The following CPLANE1 variants were observed in gnomAD, a reference collection of about 807,000 sequenced individuals.
CPLANE1 encodes the protein ciliogenesis and planar polarity effector complex subunit 1.
A neutral mutation model predicts 362.5 loss-of-function variants in CPLANE1; 263 were observed. The ratio of observed to expected loss-of-function variants is 0.73; its 90% CI spans 0.66 to 0.80. CPLANE1 has a LOEUF of 0.80. Among genes scored for constraint, CPLANE1 ranks in the 30% least tolerant of loss-of-function variants. CPLANE1 has a pLI of 0.00. For synonymous variants in CPLANE1, 1,212 were observed against 1,302.6 expected (o/e 0.93, Z 1.50); for missense variants, 3,461 against 3,793.4 (o/e 0.91, Z 2.30).
At chr5:37,128,617 G>T (rs1208973319) in intron 46 of CPLANE1, among the ~76,000 whole-genome samples, 1 of 152,122 alleles carries the variant, frequency 6.6e-6, no homozygotes, top group African/African-American at 2.4e-5. Context: ...AGCACTTTGG[G>T]AGGGGCCGAG....
At chr5:37,166,053 A>G (rs933386431) in intron 35 of CPLANE1, among the ~76,000 whole-genome samples, 2 of 152,226 alleles carry the variant, frequency 1.3e-5, no homozygotes, top group African/African-American at 4.8e-5. Flanking sequence ...GCAAAATTAC[A>G]GCAAGGAGGA....
chr5:37,201,157 A>T (rs988925533), intron 19 of CPLANE1, among the ~76,000 whole-genome samples: 3 of 152,190 alleles, frequency 2.0e-5, no homozygotes, highest in Non-Finnish European at 2.9e-5. Context: ...AAAGAGATAA[A>T]TAAGAGACTG....
intron 35 of CPLANE1, 41 bp downstream of exon 35, chr5:37,167,006 G>T: frequency 6.9e-7 from 1 of 1,440,534 alleles, no homozygotes; most frequent in South Asian, 1.2e-5. Context: ...TGAACTTGCT[G>T]ATATATGATA....
chr5:37,093,358 A>T, the CPLANE1 span, among the ~76,000 whole-genome samples: 1 of 152,218 alleles, frequency 6.6e-6, no homozygotes, highest in African/African-American at 2.4e-5. Context: ...TTAAGCTGCA[A>T]CTGGGAGCAT....
At chr5:37,095,886 C>A in the CPLANE1 span, among the ~76,000 whole-genome samples, 1 of 152,132 alleles carries the variant, frequency 6.6e-6, no homozygotes, top group Non-Finnish European at 1.5e-5. Flanking sequence ...TGAAAGACCT[C>A]TACAAGGGAA....
Position 37,244,551 on chromosome 5 carries a change from T to C in CPLANE1, c.394A>G (p.Ile132Val), listed in dbSNP as rs1455402164. The C allele has an allele frequency of 1.9e-6, 3 of 1,551,616 alleles. No homozygotes were observed. The highest frequency in any genetic ancestry group is 2.6e-6 in the Non-Finnish European group (3 of 1,146,990). Reference sequence around the variant, plus strand: ...AGAAATATGCATCCAGAAGGTGTTATGAGCACAATTCTTTTCCCATTTCCA... The same window carrying C: ...AGAAATATGCATCCAGAAGGTGTTACGAGCACAATTCTTTTCCCATTTCCA... ...VSGNGKRIVLITPSGCIFLWE... is the reference protein window; with the variant it reads ...VSGNGKRIVLVTPSGCIFLWE... Residue 132 changes from isoleucine to valine, a missense_variant, in exon 5 of 53, where the codon ATA becomes GTA. By Grantham distance (29) the Ile-to-Val change is conservative (BLOSUM62 3). Around this residue, in one of 2 missense-constraint regions of CPLANE1, gnomAD observed 3,380 missense variants for 3,666.1 expected, o/e 0.92. Transcript: ENST00000651892.
chr5:37,208,797 T>C (rs1791656936), intron 16 of CPLANE1, among the ~76,000 whole-genome samples: 1 of 148,832 alleles, frequency 6.7e-6, no homozygotes, highest in Non-Finnish European at 1.5e-5. Flanking sequence ...TTTAATTCTC[T>C]CCATAACAGT....
intron 40 of CPLANE1, 45 bp from the exon 41 acceptor site, chr5:37,157,465 A>G (rs1218926769): frequency 1.4e-6 from 2 of 1,379,688 alleles, no homozygotes; most frequent in African/African-American, 2.8e-5. Flanking sequence ...GGCTGATTCT[A>G]TCAAGACTAT....
In CPLANE1 at chr5:37,227,164, T is replaced by C. The variant is rs559376121; in HGVS notation, c.1521+79A>G. The C allele has an allele frequency of 9.1e-5, 138 of 1,511,982 alleles. No individual in the cohort carries two copies. In the African/African-American group the frequency reaches 1.8e-3, roughly 19 times the overall value. 93.7% of individuals were successfully genotyped at this position (1,511,982 alleles called of 1,614,324 possible). On this transcript the variant is annotated intron_variant, in intron 11 of 52. Transcript: ENST00000651892. ...GGCGTTCTTAAATTTCTCTTCCCTTTAACAAGAGAAAAACAGAATATGTTT... is the reference window on the plus strand; with the variant it reads ...GGCGTTCTTAAATTTCTCTTCCCTTCAACAAGAGAAAAACAGAATATGTTT...
chr5:37,106,912 G>T lies in CPLANE1; in HGVS notation c.*690C>A. Reference sequence around the variant, plus strand: ...GAGCACAATACCAAAAACTAATCAGGTCTCTGTACCATGGTTCTTACAAAT... The same window carrying T: ...GAGCACAATACCAAAAACTAATCAGTTCTCTGTACCATGGTTCTTACAAAT... On this transcript the variant is annotated 3_prime_UTR_variant, in exon 53 of 53. Coordinates refer to ENST00000651892, the MANE Select transcript of CPLANE1 (RefSeq NM_001384732.1). 1 of 985,192 alleles carries T rather than the reference G, an allele frequency of 1.0e-6. No individual in the cohort carries two copies. The highest frequency in any genetic ancestry group is 1.2e-6 in the Non-Finnish European group (1 of 829,772). The allele number at this position is 985,192 out of a possible 1,614,324, so 61.0% of individuals were successfully genotyped here.
downstream of CPLANE1, among the ~76,000 whole-genome samples, chr5:37,103,591 G>A: frequency 6.6e-6 from 1 of 152,154 alleles, no homozygotes. Context: ...GCATTTGCTT[G>A]TCTGAAAAGG....
intron 51 of CPLANE1, among the ~76,000 whole-genome samples, chr5:37,111,407 T>G (rs1190608871): frequency 6.6e-6 from 1 of 152,204 alleles, no homozygotes; most frequent in East Asian, 1.9e-4. Context: ...TGTACAGGCG[T>G]GAGCCACCGT....
In CPLANE1 at chr5:37,157,399, T is replaced by A. The variant is rs758376427; in HGVS notation, c.8033A>T (p.Asp2678Val). 9.0e-6 allele frequency: 13 copies of A among 1,443,694 alleles called. No individual in the cohort carries two copies. Among genetic ancestry groups the A allele is most frequent in the South Asian group, 1.1e-5 (1 of 88,840 alleles). The allele number at this position is 1,443,694 out of a possible 1,614,324, so 89.4% of individuals were successfully genotyped here. A position where few individuals can be genotyped will look rare whatever the true frequency, so the allele number is the denominator to read the frequency against. ...KSQEVTPACLDGKSLRAGITE... is the reference protein window; with the variant it reads ...KSQEVTPACLVGKSLRAGITE... ...AATGCCTGCTCTCAAGCTTTTTCCATCCAGACAAGCTGGAGTTACTTCTGC... is the reference window on the plus strand; with the variant it reads ...AATGCCTGCTCTCAAGCTTTTTCCAACCAGACAAGCTGGAGTTACTTCTGC... Residue 2678 changes from aspartate (D) to valine (V), a missense_variant, in exon 41 of 53, where the codon GAT becomes GTT. Transcript: ENST00000651892.
chr5:37,117,390 T>C (rs1184010876), intron 50 of CPLANE1, among the ~76,000 whole-genome samples: 2 of 150,578 alleles, frequency 1.3e-5, no homozygotes, highest in Non-Finnish European at 2.9e-5. Context: ...TGGTTAAGGG[T>C]TCAAAGGACA....
At chr5:37,191,731 G>A (rs1305948132) in intron 21 of CPLANE1, among the ~76,000 whole-genome samples, 1 of 152,136 alleles carries the variant, frequency 6.6e-6, no homozygotes, top group East Asian at 1.9e-4. Context: ...GTACTCAAGG[G>A]GCTGAGGTTA....
chr5:37,153,655 G>T, intron 42 of CPLANE1, 85 bp downstream of exon 42: 1 of 1,375,684 alleles, frequency 7.3e-7, no homozygotes, highest in Non-Finnish European at 9.9e-7. Context: ...TCATTATTTT[G>T]AAAAATCAGG....
At chr5:37,113,694 G>C (rs986991022) in intron 51 of CPLANE1, among the ~76,000 whole-genome samples, 1 of 152,226 alleles carries the variant, frequency 6.6e-6, no homozygotes, top group Non-Finnish European at 1.5e-5. Context: ...GGGGTAAACT[G>C]AATGACGGAT....
In CPLANE1 at chr5:37,238,487, CTTTTTTTTTTTTT is replaced by C. The variant is rs869153501; in HGVS notation, c.938+357_938+369del. The stretch of plus-strand genomic sequence containing the variant: ...CGTGAGCCACAGCGCCCAGCCTTTT[CTTTTTTTTTTTTT>C]TTTTTTTTTTTTGAGATAGGGTCTT... On this transcript the variant is annotated intron_variant, in intron 8 of 52. Coordinates refer to ENST00000651892, the MANE Select transcript of CPLANE1 (RefSeq NM_001384732.1). Among the ~76,000 whole-genome samples the C allele has an allele frequency of 2.5e-3, 202 of 80,652 alleles. 1 individual carries two copies. The highest frequency in any genetic ancestry group is 0.011 in the African/African-American group (197 of 18,170). 52.9% of individuals were successfully genotyped at this position (80,652 alleles called of 152,430 possible). A position where few individuals can be genotyped will look rare whatever the true frequency, so the allele number is the denominator to read the frequency against.
chr5:37,107,930 C>T, intron 52 of CPLANE1, 152 bp from the exon 53 acceptor site: 1 of 1,254,944 alleles, frequency 8.0e-7, no homozygotes, highest in Non-Finnish European at 1.1e-6. Context: ...GGAAATAGGG[C>T]TGTGATTGCC....
Sources: gnomAD v4.1 joint callset for allele counts (sites outside exome capture counted in the v4.1 genomes callset) on GRCh38, gnomAD v4.1.1 for gene constraint, gnomAD v4.1.1 regional missense constraint, MANE v1.5 for transcripts, NCBI Gene and HGNC (gene_info 2026-07-23, HGNC 2026-07-21) for gene names.